Variants in CCNY observed in about 807,000 individuals in gnomAD.
CCNY encodes the protein cyclin Y.
In CCNY, 19 loss-of-function variants were observed where a neutral mutation model predicts 42.8. The observed-to-expected ratio is 0.44, with a 90% CI of 0.31 to 0.65. The LOEUF (loss-of-function observed/expected upper bound fraction) is 0.65, where lower values mean the gene tolerates loss of function less well. Among genes scored for constraint, CCNY ranks in the 30% least tolerant of loss-of-function variants. CCNY has a pLI of 0.07. For synonymous variants in CCNY, 165 were observed against 162.7 expected (o/e 1.01, Z -0.11); for missense variants, 370 against 437.3 (o/e 0.85, Z 1.37).
intron 7 of CCNY, among the ~76,000 whole-genome samples, chr10:35,533,904 T>A (rs1314069610): frequency 6.6e-6 from 1 of 152,222 alleles, no homozygotes; most frequent in African/African-American, 2.4e-5. Context: ...AATAACTGCC[T>A]ACTGGCTGAA....
chr10:35,521,055 A>G (rs954359366), intron 4 of CCNY, among the ~76,000 whole-genome samples: 9 of 152,338 alleles, frequency 5.9e-5, no homozygotes, highest in Non-Finnish European at 1.0e-4. Flanking sequence ...CTTGCCCTTC[A>G]AAGGTTTTAG....
chr10:35,534,997 ATATGTGTG>A (rs57047690), intron 7 of CCNY, among the ~76,000 whole-genome samples: 997 of 47,914 alleles, frequency 0.021, 11 homozygotes, highest in African/African-American at 0.056. Context: ...AGATCTATAT[ATATGTGTG>A]TGTGTGTGTG....
chr10:35,484,691 A>G (rs994407614), intron 2 of CCNY, among the ~76,000 whole-genome samples: 1 of 152,204 alleles, frequency 6.6e-6, no homozygotes, highest in Non-Finnish European at 1.5e-5. Flanking sequence ...CCATGAAAAA[A>G]GAGGGTCAAA....
At chr10:35,484,091 G>A (rs1428461979) in intron 2 of CCNY, among the ~76,000 whole-genome samples, 1 of 152,186 alleles carries the variant, frequency 6.6e-6, no homozygotes, top group Admixed American at 6.5e-5. Flanking sequence ...GCAGAGGAGA[G>A]AGAAGATAAA....
chr10:35,310,590 G>A (rs1006177778), intron 3 of CCNY, among the ~76,000 whole-genome samples: 2 of 152,094 alleles, frequency 1.3e-5, no homozygotes, highest in Non-Finnish European at 2.9e-5. Flanking sequence ...TTTGACAATA[G>A]CCATTGTAAC....
At chr10:35,451,575 T>G (rs2135313882) in intron 1 of CCNY, among the ~76,000 whole-genome samples, 1 of 152,300 alleles carries the variant, frequency 6.6e-6, no homozygotes, top group Middle Eastern at 3.4e-3. Flanking sequence ...CTTTTGTTGG[T>G]GCTTTTGTGA....
chr10:35,499,412 A>G (rs544108646), intron 2 of CCNY, among the ~76,000 whole-genome samples: 21 of 152,246 alleles, frequency 1.4e-4, no homozygotes, highest in Admixed American at 4.6e-4. Flanking sequence ...CCATGATTCA[A>G]TTACCTTCCA....
At chr10:35,551,798 G>A (rs1256873456) in intron 7 of CCNY, among the ~76,000 whole-genome samples, 3 of 152,116 alleles carry the variant, frequency 2.0e-5, no homozygotes, top group African/African-American at 7.2e-5. Context: ...TTAAAAATAG[G>A]TATATAAAAT....
intron 3 of CCNY, among the ~76,000 whole-genome samples, chr10:35,252,991 C>A (rs1565052641): frequency 6.6e-6 from 1 of 152,118 alleles, no homozygotes; most frequent in Non-Finnish European, 1.5e-5. Flanking sequence ...CACTACAAAA[C>A]CATCGAACTG....
At chr10:35,485,658 G>T (rs1839769590) in intron 2 of CCNY, among the ~76,000 whole-genome samples, 1 of 151,386 alleles carries the variant, frequency 6.6e-6, no homozygotes, top group African/African-American at 2.4e-5. Flanking sequence ...CCGGGAGGTG[G>T]AGCTTGCAGT....
chr10:35,260,276 A>C (rs2095718603), intron 3 of CCNY, among the ~76,000 whole-genome samples: 1 of 152,170 alleles, frequency 6.6e-6, no homozygotes. Context: ...AAGACTCTTG[A>C]ATCATGGGAC....
intron 1 of CCNY, among the ~76,000 whole-genome samples, chr10:35,473,222 T>C (rs1214503017): frequency 6.6e-6 from 1 of 152,238 alleles, no homozygotes; most frequent in East Asian, 1.9e-4. Context: ...CGTACATGTC[T>C]CTGTCCCTCC....
intron 1 of CCNY, among the ~76,000 whole-genome samples, chr10:35,416,102 T>C (rs941054840): frequency 6.6e-6 from 1 of 152,000 alleles, no homozygotes; most frequent in Non-Finnish European, 1.5e-5. Flanking sequence ...GTTATGACAC[T>C]GGTACCCGTG....
chr10:35,353,114 A>G (rs1383239587), intron 1 of CCNY, among the ~76,000 whole-genome samples: 1 of 152,080 alleles, frequency 6.6e-6, no homozygotes, highest in Non-Finnish European at 1.5e-5. Flanking sequence ...ATTTGTACAT[A>G]CAGGGTCTTG....
intron 3 of CCNY, among the ~76,000 whole-genome samples, chr10:35,296,389 G>A (rs758417245): frequency 2.0e-5 from 3 of 152,148 alleles, no homozygotes; most frequent in Admixed American, 1.3e-4. Context: ...AGACCAGCCA[G>A]GCCAAAATGG....
intron 1 of CCNY, among the ~76,000 whole-genome samples, chr10:35,465,779 C>G (rs929501214): frequency 6.6e-6 from 1 of 152,106 alleles, no homozygotes; most frequent in Non-Finnish European, 1.5e-5. Context: ...TGAGGCCCGT[C>G]GAAATCTCAC....
intron 7 of CCNY, among the ~76,000 whole-genome samples, chr10:35,548,454 T>G (rs1038846314): frequency 6.6e-6 from 1 of 151,846 alleles, no homozygotes; most frequent in Non-Finnish European, 1.5e-5. Flanking sequence ...GCGTACACCA[T>G]GCCCAGCTAA....
chr10:35,538,475 GCTTGTTAGTGTCTGT>G lies in CCNY; in HGVS notation c.579+8236_579+8250del, dbSNP rs1191647019. Among the ~76,000 whole-genome samples the G allele has an allele frequency of 2.6e-5, 4 of 152,296 alleles. No homozygotes were observed. In the East Asian group the frequency reaches 7.7e-4, roughly 29 times the overall value. On this transcript the variant is annotated intron_variant, in intron 7 of 9. Coordinates refer to ENST00000374704, the MANE Select transcript of CCNY (RefSeq NM_145012.6). Reference sequence around the variant, plus strand: ...TTCTCCACATCGCATCCTTATCAATGCTTGTTAGTGTCTGTCTTTTTCATGTTAGCCATTCTAGTG... The same window carrying G: ...TTCTCCACATCGCATCCTTATCAATGCTTTTTCATGTTAGCCATTCTAGTG...
chr10:35,264,486 T>A (rs1003986130), intron 3 of CCNY, among the ~76,000 whole-genome samples: 16 of 152,338 alleles, frequency 1.1e-4, no homozygotes, highest in Middle Eastern at 3.4e-3. Flanking sequence ...TGTTGTTTTT[T>A]GACATTTTAA....
Sources: allele counts gnomAD v4.1 joint callset (sites outside exome capture counted in the v4.1 genomes callset), GRCh38; gene constraint gnomAD v4.1.1; transcripts MANE v1.5; gene names NCBI Gene and HGNC (gene_info 2026-07-23, HGNC 2026-07-21).